The following FN1 variants were observed in gnomAD, a reference collection of about 807,000 sequenced individuals.
The protein encoded by FN1 is fibronectin 1, also known as fibronectin.
FN1 carries 106 observed loss-of-function variants against 297.3 expected under a neutral mutation model. The ratio of observed to expected loss-of-function variants is 0.36; its 90% CI spans 0.30 to 0.42. The LOEUF is 0.42. Ranked by LOEUF, FN1 falls within the 10% of genes least tolerant of loss-of-function variation. FN1 has a pLI of 1.00. For missense variants in FN1, 2,690 were observed against 3,124.9 expected (o/e 0.86, Z 3.32); for synonymous variants, 1,149 against 1,152.6 (o/e 1.00, Z 0.06).
At chr2:215,366,896 A>T (rs1011066867) in intron 42 of FN1, among the ~76,000 whole-genome samples, 5 of 152,216 alleles carry the variant, frequency 3.3e-5, no homozygotes, top group African/African-American at 1.2e-4. Flanking sequence ...CCAGCTCCTA[A>T]ACAGCATGTG....
rs1559397731 is a variant in FN1 at position 215,384,007 on chromosome 2, T to TAGA, written c.4894+10_4894+12dup. On this transcript the variant is annotated intron_variant, in intron 30 of 45. Transcript: ENST00000354785. ...AGTAAAAGCTGGTGTCACCCCAGAG[T>TAGA]AGAAGTTTGTACCTGTTCGGTAATT... is the stretch of plus-strand genomic sequence containing the variant. 1.2e-6 allele frequency: 2 copies of TAGA among 1,613,542 alleles called. No homozygotes were observed. The highest frequency in any genetic ancestry group is 1.7e-6 in the Non-Finnish European group (2 of 1,179,708).
chr2:215,403,835 G>T (rs184796053), intron 20 of FN1, among the ~76,000 whole-genome samples: 4 of 152,296 alleles, frequency 2.6e-5, no homozygotes, highest in African/African-American at 9.6e-5. Flanking sequence ...CACTCATAAA[G>T]AAATCATTTC....
chr2:215,432,105 G>A lies in FN1; in HGVS notation c.416-141C>T, dbSNP rs1035795437. On this transcript the variant is annotated intron_variant, in intron 3 of 45. Coordinates refer to ENST00000354785, the MANE Select transcript of FN1 (RefSeq NM_212482.4). ...CTTTCCCATCAGAGACAGGGGAAAC[G>A]TTAACAGGTCTGGTCACTTGGAGTC... is the stretch of plus-strand genomic sequence containing the variant. 16 of 921,614 alleles carry A rather than the reference G, an allele frequency of 1.7e-5. No homozygotes were observed. In the African/African-American group the frequency reaches 1.8e-4, roughly 10 times the overall value. The allele number at this position is 921,614 out of a possible 1,614,324, so 57.1% of individuals were successfully genotyped here.
At chr2:215,365,362 C>G (rs2054319269) in intron 43 of FN1, 143 bp downstream of exon 43, 1 of 923,798 alleles carries the variant, frequency 1.1e-6, no homozygotes, top group Admixed American at 1.8e-5. Context: ...CTCCACTTTC[C>G]CAAATCAAAA....
At position 215,401,259 on chromosome 2, in the gene FN1, A is replaced by AAGGAAGG. The variant is rs1559476241; in HGVS notation, c.3254-1909_3254-1908insCCTTCCT. ...GAAAGAAAGAAAGAAAGGAAGAAAG[A>AAGGAAGG]AAGGAAGGAAAGGAAAGGAAAGGAA... On this transcript the variant is annotated intron_variant, in intron 20 of 45. Transcript: ENST00000354785. 5.3e-4 allele frequency among the ~76,000 whole-genome samples: 43 copies of AAGGAAGG among 81,800 alleles called. 1 individual carries two copies. Among genetic ancestry groups the AAGGAAGG allele is most frequent in the East Asian group, 3.1e-3 (10 of 3,224 alleles). The allele number at this position is 81,800 out of a possible 152,430, so 53.7% of individuals were successfully genotyped here.
In FN1 at chr2:215,394,571, C is replaced by CG; in HGVS notation, c.3752_3753insC (p.Lys1251AsnfsTer3). On this transcript the variant is annotated frameshift_variant, in exon 24 of 46. Transcript: ENST00000354785. LOFTEE classifies it high-confidence loss of function. ...AGATAGGGACACTTTCCTTGTCATC[C>CG]TTGACAGTGTAAACACTGACATTGT... is the stretch of plus-strand genomic sequence containing the variant. The CG allele has an allele frequency of 6.2e-7, 1 of 1,614,040 alleles. No homozygotes were observed. The highest frequency in any genetic ancestry group is 8.5e-7 in the Non-Finnish European group (1 of 1,179,968).
chr2:215,427,732 AAAAC>A (rs1461716462), intron 6 of FN1, among the ~76,000 whole-genome samples: 3 of 152,326 alleles, frequency 2.0e-5, no homozygotes, highest in East Asian at 1.9e-4. Flanking sequence ...ATTTCATTCA[AAAAC>A]AAACAAACAA....
At chr2:215,430,632 G>T in intron 5 of FN1, 83 bp downstream of exon 5, 1 of 1,510,538 alleles carries the variant, frequency 6.6e-7, no homozygotes, top group Non-Finnish European at 9.2e-7. Context: ...GATGTGTTCT[G>T]AGTAACATAG....
At chr2:215,401,637 A>G (rs1035101905) in intron 20 of FN1, among the ~76,000 whole-genome samples, 13 of 152,242 alleles carry the variant, frequency 8.5e-5, no homozygotes, top group Admixed American at 5.9e-4. Flanking sequence ...ACAAAGAATT[A>G]GTCTCCAGAG....
chr2:215,393,317 T>C (rs2059931316), intron 24 of FN1, 114 bp from the exon 25 acceptor site: 2 of 974,332 alleles, frequency 2.1e-6, no homozygotes, highest in South Asian at 3.3e-5. Flanking sequence ...GGTGGAATGT[T>C]AAAGCAATGA....
chr2:215,424,376 AC>A (rs1205072878), intron 7 of FN1, 51 bp from the exon 8 acceptor site: 13 of 1,473,490 alleles, frequency 8.8e-6, no homozygotes, highest in Non-Finnish European at 1.2e-5. Flanking sequence ...TTTATCTCCC[AC>A]CAGCAGCTGC....
At chr2:215,413,544 G>T (rs2062992457) in intron 13 of FN1, among the ~76,000 whole-genome samples, 1 of 152,132 alleles carries the variant, frequency 6.6e-6, no homozygotes, top group Non-Finnish European at 1.5e-5. Context: ...TATTCTTGGA[G>T]ACCTCAATCC....
chr2:215,401,326 A>G (rs2061139223), intron 20 of FN1, among the ~76,000 whole-genome samples: 1 of 150,958 alleles, frequency 6.6e-6, no homozygotes, highest in African/African-American at 2.4e-5. Flanking sequence ...GGAAAGAGAA[A>G]GAAAGAAAGG....
At chr2:215,384,451 T>C (rs1344146871) in intron 29 of FN1, 1 of 496,900 alleles carries the variant, frequency 2.0e-6, no homozygotes, top group African/African-American at 1.9e-5. Context: ...GCATTAGAAG[T>C]GGGAGAAGGT....
intron 24 of FN1, 50 bp from the exon 25 acceptor site, chr2:215,393,253 GA>G (rs754852127): frequency 6.4e-6 from 10 of 1,573,066 alleles, no homozygotes; most frequent in South Asian, 5.7e-5. Flanking sequence ...AAAATAGAGG[GA>G]AAAAAAGAGG....
At chr2:215,368,491 G>T (rs1367173719) in intron 41 of FN1, among the ~76,000 whole-genome samples, 1 of 152,112 alleles carries the variant, frequency 6.6e-6, no homozygotes, top group African/African-American at 2.4e-5. Flanking sequence ...ATCTTGTGAA[G>T]ATTATATAAG....
intron 4 of FN1, among the ~76,000 whole-genome samples, chr2:215,431,116 C>T (rs1484849794): frequency 2.0e-5 from 3 of 152,132 alleles, no homozygotes; most frequent in Non-Finnish European, 4.4e-5. Context: ...CCCCAAACTT[C>T]CCAGCAGCAT....
At chr2:215,378,475 TTAAG>T (rs1214042867) in intron 34 of FN1, among the ~76,000 whole-genome samples, 2 of 152,204 alleles carry the variant, frequency 1.3e-5, no homozygotes, top group South Asian at 2.1e-4. Context: ...GCGGTTAAGC[TTAAG>T]TAAGCCATAG....
rs2056385216 is a variant in FN1, at chr2:215,372,351, A to G, written c.6272T>C (p.Leu2091Pro). The change falls in exon 40 of 46, where the codon CTT becomes CCT. Residue 2091 changes from leucine (L) to proline (P), a missense_variant. By Grantham distance (98) the Leu-to-Pro change is moderately conservative. Coordinates refer to ENST00000354785, the MANE Select transcript of FN1 (RefSeq NM_212482.4). Reference sequence around the variant, plus strand: ...TGGTCCATGAAGATTGGGGTGTGGAAGGGTTACCAGTTGGGGAAGCTCGTC... The same window carrying G: ...TGGTCCATGAAGATTGGGGTGTGGAGGGGTTACCAGTTGGGGAAGCTCGTC... ...KTDELPQLVT[L>P]PHPNLHGPEI... The G allele has an allele frequency of 1.2e-6, 2 of 1,614,044 alleles. No individual in the cohort carries two copies. The highest frequency in any genetic ancestry group is 4.5e-5 in the East Asian group (2 of 44,896).
Sources: allele counts gnomAD v4.1 joint callset (sites outside exome capture counted in the v4.1 genomes callset), GRCh38; gene constraint gnomAD v4.1.1; transcripts MANE v1.5; gene names NCBI Gene and HGNC (gene_info 2026-07-23, HGNC 2026-07-21).